Variants in ARL5B observed in about 807,000 individuals in gnomAD.
The protein encoded by ARL5B is ADP-ribosylation factor-like protein 5B.
ARL5B carries 10 observed loss-of-function variants against 26.9 expected under a neutral mutation model. The ratio of observed to expected loss-of-function variants is 0.37; its 90% CI spans 0.23 to 0.63. The LOEUF (loss-of-function observed/expected upper bound fraction) is 0.63, where lower values mean the gene tolerates loss of function less well. Ranked by LOEUF, ARL5B falls within the 30% of genes least tolerant of loss-of-function variation. The probability of loss-of-function intolerance (pLI) is 0.62; values close to 1 mark genes in which losing one functional copy is unlikely to be tolerated. For missense variants in ARL5B, 167 were observed against 213.9 expected (o/e 0.78, Z 1.37); for synonymous variants, 87 against 70.4 (o/e 1.24, Z -1.18).
At position 18,674,039 on chromosome 10, in the gene ARL5B, G is replaced by A. The variant is rs756949714; in HGVS notation, c.395G>A (p.Cys132Tyr). Residue 132 changes from cysteine to tyrosine, a missense_variant, in exon 5 of 6, where the codon TGT becomes TAT. Cys to Tyr is a radical substitution (Grantham distance 194). Coordinates refer to ENST00000377275, the MANE Select transcript of ARL5B (RefSeq NM_178815.5). ...GCAAATAAACAGGATATGAAAGGGT[G>A]TATGACAGCAGCTGAAATCTCGAAA... ...IFANKQDMKG[C>Y]MTAAEISKYL... is the part of the protein sequence containing the mutation. 2 of 1,613,598 alleles carry A rather than the reference G, an allele frequency of 1.2e-6. No homozygotes were observed. Among genetic ancestry groups the A allele is most frequent in the Non-Finnish European group, 1.7e-6 (2 of 1,179,770 alleles).
At chr10:18,665,525 G>C (rs1458440458) in intron 1 of ARL5B, among the ~76,000 whole-genome samples, 1 of 152,098 alleles carries the variant, frequency 6.6e-6, no homozygotes, top group Non-Finnish European at 1.5e-5. Flanking sequence ...AAATTTTCTT[G>C]GTCCCTCTTT....
intron 2 of ARL5B, among the ~76,000 whole-genome samples, 158 bp from the exon 3 acceptor site, chr10:18,668,372 A>G (rs1041995135): frequency 1.3e-5 from 2 of 151,992 alleles, no homozygotes; most frequent in African/African-American, 4.8e-5. Flanking sequence ...TGTTATCTAG[A>G]TATTGATTTG....
At chr10:18,659,719 G>A (rs1303428546) in intron 1 of ARL5B, 36 bp downstream of exon 1, 2 of 1,602,004 alleles carry the variant, frequency 1.2e-6, no homozygotes, top group African/African-American at 1.3e-5. Context: ...GCTCGAATCC[G>A]AGGCAGAGGG....
rs1436792880 is a variant in ARL5B, at chr10:18,681,105, G to A, written c.*5889G>A. On this transcript the variant is annotated 3_prime_UTR_variant, in exon 6 of 6. Coordinates refer to ENST00000377275, the MANE Select transcript of ARL5B (RefSeq NM_178815.5). ...ACTATGCTTGGTCAACTGGAAGATGGTATTAATAAGGTCAGAATTAGGAAT... is the reference window on the plus strand; with the variant it reads ...ACTATGCTTGGTCAACTGGAAGATGATATTAATAAGGTCAGAATTAGGAAT... 6.6e-6 allele frequency: 1 copy of A among 152,118 alleles called. No homozygotes were observed. Among genetic ancestry groups the A allele is most frequent in the East Asian group, 1.9e-4 (1 of 5,190 alleles). 9.4% of individuals were successfully genotyped at this position (152,118 alleles called of 1,614,324 possible). A position where few individuals can be genotyped will look rare whatever the true frequency, so the allele number is the denominator to read the frequency against.
At chr10:18,670,068 G>A (rs1474384771) in intron 3 of ARL5B, among the ~76,000 whole-genome samples, 2 of 151,464 alleles carry the variant, frequency 1.3e-5, no homozygotes, top group Non-Finnish European at 2.9e-5. Flanking sequence ...AATTTTTGGT[G>A]AACAAAGTTG....
At chr10:18,660,738 A>G (rs2059829982) in intron 1 of ARL5B, among the ~76,000 whole-genome samples, 1 of 152,252 alleles carries the variant, frequency 6.6e-6, no homozygotes, top group Non-Finnish European at 1.5e-5. Flanking sequence ...GTGTATATAT[A>G]TGTATATGCC....
At chr10:18,663,397 C>T (rs2059845619) in intron 1 of ARL5B, among the ~76,000 whole-genome samples, 1 of 152,168 alleles carries the variant, frequency 6.6e-6, no homozygotes, top group Admixed American at 6.5e-5. Context: ...ATCTTAATTT[C>T]ATAATTTAAT....
intron 1 of ARL5B, 91 bp from the exon 2 acceptor site, chr10:18,666,484 A>T: frequency 9.4e-7 from 1 of 1,063,520 alleles, no homozygotes; most frequent in Non-Finnish European, 1.4e-6. Context: ...AATGATTCTC[A>T]TTAATGAGCT....
intron 2 of ARL5B, among the ~76,000 whole-genome samples, chr10:18,667,229 C>G (rs1322271810): frequency 6.6e-6 from 1 of 152,190 alleles, no homozygotes; most frequent in Non-Finnish European, 1.5e-5. Flanking sequence ...CTACCAGGCA[C>G]TTTAACAAAA....
rs1175695751 is a variant in ARL5B, at chr10:18,676,147, A to G, written c.*931A>G. ...AAGATATATCACAGCTGCTTTGGGC[A>G]GTAGCTGAAGCCGAAGTATGAACAG... On this transcript the variant is annotated 3_prime_UTR_variant, in exon 6 of 6. Coordinates refer to ENST00000377275, the MANE Select transcript of ARL5B (RefSeq NM_178815.5). 6.6e-6 allele frequency: 1 copy of G among 152,552 alleles called. No homozygotes were observed. Among genetic ancestry groups the G allele is most frequent in the Non-Finnish European group, 1.5e-5 (1 of 67,946 alleles). The allele number at this position is 152,552 out of a possible 1,614,324, so 9.4% of individuals were successfully genotyped here. A position where few individuals can be genotyped will look rare whatever the true frequency, so the allele number is the denominator to read the frequency against.
rs1056441111 is a variant in ARL5B, at chr10:18,681,465, A to G, written c.*6249A>G. On this transcript the variant is annotated 3_prime_UTR_variant, in exon 6 of 6. Transcript: ENST00000377275. ...TTTTTATTTCTGCAATTATGTTATA[A>G]TGAGTTGTTTGCATGCCTACTTAAC... 1.3e-5 allele frequency: 2 copies of G among 152,168 alleles called. No homozygotes were observed. Among genetic ancestry groups the G allele is most frequent in the Non-Finnish European group, 2.9e-5 (2 of 68,032 alleles). The allele number at this position is 152,168 out of a possible 1,614,324, so 9.4% of individuals were successfully genotyped here.
At chr10:18,670,281 C>T (rs1221216814) in intron 3 of ARL5B, among the ~76,000 whole-genome samples, 1 of 152,002 alleles carries the variant, frequency 6.6e-6, no homozygotes, top group Non-Finnish European at 1.5e-5. Flanking sequence ...TACATTTATA[C>T]AGTAAAATAA....
At chr10:18,664,753 A>G (rs2059853570) in intron 1 of ARL5B, among the ~76,000 whole-genome samples, 1 of 152,102 alleles carries the variant, frequency 6.6e-6, no homozygotes, top group African/African-American at 2.4e-5. Flanking sequence ...GTAGTGTCTT[A>G]ACCTAACATT....
In ARL5B at chr10:18,667,020, A is replaced by G. The variant is rs2059864308; in HGVS notation, c.107+385A>G. Reference sequence around the variant, plus strand: ...TAATAGCTTTGGAATTTTTTAACATAGCCAGACTTGTCAAAAGAAATGTGA... The same window carrying G: ...TAATAGCTTTGGAATTTTTTAACATGGCCAGACTTGTCAAAAGAAATGTGA... On this transcript the variant is annotated intron_variant, in intron 2 of 5. Transcript: ENST00000377275. Among the ~76,000 whole-genome samples, 4 of 109,228 alleles carry G rather than the reference A, an allele frequency of 3.7e-5. 1 individual carries two copies. The South Asian group carries it at 1.5e-3, about 41-fold the overall frequency. The allele number at this position is 109,228 out of a possible 152,430, so 71.7% of individuals were successfully genotyped here. A position where few individuals can be genotyped will look rare whatever the true frequency, so the allele number is the denominator to read the frequency against.
At chr10:18,662,895 G>A (rs1005386381) in intron 1 of ARL5B, among the ~76,000 whole-genome samples, 13 of 151,836 alleles carry the variant, frequency 8.6e-5, no homozygotes, top group Non-Finnish European at 1.6e-4. Context: ...TAGAGGTGGG[G>A]TTTCACCATG....
intron 5 of ARL5B, 136 bp downstream of exon 5, chr10:18,674,271 T>C (rs1457132082): frequency 1.4e-6 from 1 of 730,314 alleles, no homozygotes; most frequent in Non-Finnish European, 2.0e-6. Context: ...TTATAATGTG[T>C]CTCAGGCTTA....
intron 1 of ARL5B, among the ~76,000 whole-genome samples, chr10:18,665,874 T>G (rs1195291249): frequency 2.6e-5 from 4 of 152,178 alleles, no homozygotes; most frequent in African/African-American, 9.7e-5. Context: ...ACGGAATAAT[T>G]AGATGAGCTT....
chr10:18,670,823 G>A (rs2059883786), intron 3 of ARL5B, among the ~76,000 whole-genome samples: 3 of 152,256 alleles, frequency 2.0e-5, no homozygotes, highest in East Asian at 1.9e-4. Context: ...AACTCTGGAG[G>A]ACTTAGCATG....
chr10:18,664,509 C>G, intron 1 of ARL5B, among the ~76,000 whole-genome samples: 1 of 138,360 alleles, frequency 7.2e-6, no homozygotes, highest in Admixed American at 7.8e-5. Context: ...CCGATCTCGG[C>G]TCACCGCAAG....
Sources: gnomAD v4.1 joint callset for allele counts (sites outside exome capture counted in the v4.1 genomes callset) on GRCh38, gnomAD v4.1.1 for gene constraint, MANE v1.5 for transcripts, NCBI Gene and HGNC (gene_info 2026-07-23, HGNC 2026-07-21) for gene names.